THAP8: variants seen among roughly 807,000 people sequenced by gnomAD.
THAP8 encodes THAP domain containing 8.
THAP8 carries 24 observed loss-of-function variants against 25.0 expected under a neutral mutation model. The ratio of observed to expected loss-of-function variants is 0.96; its 90% CI spans 0.69 to 1.35. THAP8 has a LOEUF of 1.35. THAP8 is among the 40% of genes most tolerant of loss of function. The pLI is 0.00. For synonymous variants in THAP8, 169 were observed against 157.6 expected, an observed-to-expected ratio of 1.07 and a Z score of -0.54; for missense variants, 399 against 368.8, an observed-to-expected ratio of 1.08 and a Z score of -0.67.
rs1480342043 is a variant in THAP8, at chr19:36,039,479, C to G, written c.516G>C (p.Gly172=). 2.0e-5 allele frequency: 32 copies of G among 1,596,564 alleles called. No homozygotes were observed. The highest frequency in any genetic ancestry group is 3.4e-5 in the South Asian group (3 of 89,206). Residue 172 remains glycine, a synonymous_variant, in exon 3 of 4, where the codon GGG becomes GGC. Coordinates refer to ENST00000292894, the MANE Select transcript of THAP8 (RefSeq NM_152658.3). ...PEVPAQQAQT[G]LGPVLGALQR... ...GCAGTGCTCCCAGCACTGGGCCCAG[C>G]CCGGTCTGGGCCTGTTGGGCAGGGA...
At chr19:36,044,469 A>C (rs1188250858) in intron 1 of THAP8, among the ~76,000 whole-genome samples, 2 of 149,688 alleles carry the variant, frequency 1.3e-5, no homozygotes, top group Non-Finnish European at 2.9e-5. Flanking sequence ...TATGAGCCTG[A>C]GGCCTGCTCT....
intron 3 of THAP8, among the ~76,000 whole-genome samples, chr19:36,037,698 G>A (rs1384312389): frequency 6.6e-6 from 1 of 152,126 alleles, no homozygotes; most frequent in Non-Finnish European, 1.5e-5. Flanking sequence ...GGAGTGCAAT[G>A]GCACAATCTC....
rs1229510050 is a variant in THAP8 at position 36,039,409 on chromosome 19, C to T, written c.586G>A (p.Ala196Thr). The T allele has an allele frequency of 2.6e-6, 4 of 1,559,008 alleles. No homozygotes were observed. Among genetic ancestry groups the T allele is most frequent in the Non-Finnish European group, 3.5e-6 (4 of 1,153,982 alleles). ...AGCCGTTCCAGGGCCTGCAGCTGCG[C>T]CTGGTGCCGCTCCTGGCACCGTTGC... is the stretch of plus-strand genomic sequence containing the variant. Reference protein sequence around the residue: ...RLQRCQERHQAQLQALERLAQ... With the variant: ...RLQRCQERHQTQLQALERLAQ... Residue 196 changes from alanine (A) to threonine (T), a missense_variant, in exon 3 of 4, where the codon GCG (alanine) becomes ACG (threonine). By Grantham distance (58) the Ala-to-Thr change is moderately conservative. Coordinates refer to ENST00000292894, the MANE Select transcript of THAP8 (RefSeq NM_152658.3).
chr19:36,042,614 G>C (rs1276924780), intron 1 of THAP8, among the ~76,000 whole-genome samples: 1 of 152,246 alleles, frequency 6.6e-6, no homozygotes, highest in Non-Finnish European at 1.5e-5. Context: ...CTGGGCAAAA[G>C]AGCGACATGC....
rs200208926 is a variant in THAP8 at position 36,054,124 on chromosome 19, G to A, written c.83+11C>T. On this transcript the variant is annotated intron_variant, in intron 1 of 3. Coordinates refer to ENST00000292894, the MANE Select transcript of THAP8 (RefSeq NM_152658.3). The stretch of plus-strand genomic sequence containing the variant: ...CCGCCTCCCTCAAGCCCCGCCCCGC[G>A]CTGCGCTCACTTGTAGAAGCTCACA... 4 of 1,611,304 alleles carry A rather than the reference G, an allele frequency of 2.5e-6. No individual in the cohort carries two copies. Among genetic ancestry groups the A allele is most frequent in the African/African-American group, 2.7e-5 (2 of 74,860 alleles).
In THAP8 at chr19:36,041,719, G is replaced by A. The variant is rs577832075; in HGVS notation, c.84-1583C>T. Reference sequence around the variant, plus strand: ...GATACTTGACATCTCCAATCATTAGGAAAACGCAGTATCAGAACCCTGATG... The same window carrying A: ...GATACTTGACATCTCCAATCATTAGAAAAACGCAGTATCAGAACCCTGATG... On this transcript the variant is annotated intron_variant, in intron 1 of 3. Transcript: ENST00000292894. Among the ~76,000 whole-genome samples, 4 of 152,272 alleles carry A rather than the reference G, an allele frequency of 2.6e-5. No individual in the cohort carries two copies. The South Asian group carries it at 8.3e-4, about 32-fold the overall frequency.
At chr19:36,047,694 C>A (rs1442285562) in intron 1 of THAP8, among the ~76,000 whole-genome samples, 1 of 152,064 alleles carries the variant, frequency 6.6e-6, no homozygotes, top group African/African-American at 2.4e-5. Flanking sequence ...TGGTGACATG[C>A]GCCTGTAATT....
At chr19:36,045,971 T>G (rs1383883539) in intron 1 of THAP8, 1 of 426,036 alleles carries the variant, frequency 2.3e-6, no homozygotes, top group East Asian at 7.1e-5. Context: ...AAACTAATAG[T>G]GTAATAAAGG....
At chr19:36,040,201 A>G in intron 1 of THAP8, 65 bp from the exon 2 acceptor site, 1 of 1,482,402 alleles carries the variant, frequency 6.7e-7, no homozygotes, top group Non-Finnish European at 9.0e-7. Flanking sequence ...CCCAGAGGAT[A>G]CCCACCCTGG....
intron 1 of THAP8, among the ~76,000 whole-genome samples, chr19:36,044,059 T>C (rs928049875): frequency 6.6e-6 from 1 of 152,098 alleles, no homozygotes; most frequent in African/African-American, 2.4e-5. Flanking sequence ...CCACTCTCTA[T>C]TTAGACCTGG....
intron 3 of THAP8, among the ~76,000 whole-genome samples, chr19:36,036,770 G>A (rs1467670485): frequency 1.3e-5 from 2 of 151,756 alleles, no homozygotes; most frequent in Non-Finnish European, 1.5e-5. Flanking sequence ...GCAAAACCCC[G>A]TCTCTACTAC....
chr19:36,048,181 A>T (rs368577365), intron 1 of THAP8, among the ~76,000 whole-genome samples: 24 of 152,196 alleles, frequency 1.6e-4, no homozygotes, highest in African/African-American at 5.5e-4. Context: ...TCAGCCTGAG[A>T]CCCCAATTAA....
In THAP8 at chr19:36,040,077, T is replaced by C; in HGVS notation, c.143A>G (p.His48Arg). The C allele has an allele frequency of 6.2e-7, 1 of 1,613,496 alleles. No homozygotes were observed. Reference protein sequence around the residue: ...QAWLQHMGCEHWVPSCHQHLC... With the variant: ...QAWLQHMGCERWVPSCHQHLC... ...GTGCTGGTGGCAGCTGGGCACCCAGTGCTCACAGCCCATGTGCTGCAGCCA... is the reference window on the plus strand; with the variant it reads ...GTGCTGGTGGCAGCTGGGCACCCAGCGCTCACAGCCCATGTGCTGCAGCCA... Residue 48 changes from histidine to arginine, a missense_variant, in exon 2 of 4, where the codon CAC becomes CGC. By Grantham distance (29) the His-to-Arg change is conservative. Transcript: ENST00000292894.
chr19:36,045,069 CTTTATTTA>C (rs141529354), intron 1 of THAP8, among the ~76,000 whole-genome samples: 83 of 151,374 alleles, frequency 5.5e-4, no homozygotes, highest in East Asian at 2.9e-3. Flanking sequence ...GTGACTATTA[CTTTATTTA>C]TTTATTTATT....
chr19:36,039,705 G>T lies in THAP8; in HGVS notation c.290C>A (p.Thr97Asn). Residue 97 changes from threonine (T) to asparagine (N), a missense_variant, in exon 3 of 4, where the codon ACC becomes AAC. Transcript: ENST00000292894. ...CGAGACTGGCTTCTGGGTGCTTCGG[G>T]TCCTCCGCTGACTCTGGAAGACAAG... ...RGPPAKSQRR[T>N]RSTQKPVSPP... 3 of 1,520,690 alleles carry T rather than the reference G, an allele frequency of 2.0e-6. No individual in the cohort carries two copies. Among genetic ancestry groups the T allele is most frequent in the Non-Finnish European group, 2.6e-6 (3 of 1,133,056 alleles). The allele number at this position is 1,520,690 out of a possible 1,614,324, so 94.2% of individuals were successfully genotyped here.
At chr19:36,050,109 T>C (rs1030610752) in intron 1 of THAP8, among the ~76,000 whole-genome samples, 16 of 151,062 alleles carry the variant, frequency 1.1e-4, no homozygotes, top group Non-Finnish European at 1.9e-4. Flanking sequence ...TGACAGTGGA[T>C]GTGATGAGAA....
chr19:36,041,884 C>T (rs1027628462), intron 1 of THAP8, among the ~76,000 whole-genome samples: 1 of 152,004 alleles, frequency 6.6e-6, no homozygotes, highest in Admixed American at 6.6e-5. Flanking sequence ...AGTCCAAGAC[C>T]ATCCTGGGCA....
chr19:36,047,474 G>A (rs1161052181), intron 1 of THAP8, among the ~76,000 whole-genome samples: 1 of 152,142 alleles, frequency 6.6e-6, no homozygotes, highest in Non-Finnish European at 1.5e-5. Context: ...GGCACTGGCA[G>A]CCACCTTGGA....
At position 36,037,243 on chromosome 19, in the gene THAP8, TACACACACAC is replaced by T. The variant is rs67358015; in HGVS notation, c.673-1661_673-1652del. Reference sequence around the variant, plus strand: ...AACACCCTTCCTCAACTTCCTCCCCTACACACACACACACACACACACACACACACACACA... The same window carrying T: ...AACACCCTTCCTCAACTTCCTCCCCTACACACACACACACACACACACACA... On this transcript the variant is annotated intron_variant, in intron 3 of 3. Coordinates refer to ENST00000292894, the MANE Select transcript of THAP8 (RefSeq NM_152658.3). Among the ~76,000 whole-genome samples the T allele has an allele frequency of 1.7e-4, 19 of 114,174 alleles. No homozygotes were observed. In the South Asian group the frequency reaches 2.0e-3, roughly 12 times the overall value. The allele number at this position is 114,174 out of a possible 152,430, so 74.9% of individuals were successfully genotyped here.
Sources: allele counts gnomAD v4.1 joint callset (sites outside exome capture counted in the v4.1 genomes callset), GRCh38; gene constraint gnomAD v4.1.1; transcripts MANE v1.5; gene names NCBI Gene and HGNC (gene_info 2026-07-23, HGNC 2026-07-21).